The following ST8SIA2 variants were observed in gnomAD, a reference collection of about 807,000 sequenced individuals.
ST8SIA2 encodes ST8 alpha-N-acetyl-neuraminide alpha-2,8-sialyltransferase 2, also known as alpha-2,8-sialyltransferase 8B.
ST8SIA2 carries 22 observed loss-of-function variants against 37.6 expected under a neutral mutation model. That is an observed-to-expected ratio of 0.58 (90% CI 0.42 to 0.83). The LOEUF (loss-of-function observed/expected upper bound fraction) is 0.83, where lower values mean the gene tolerates loss of function less well. Ranked by LOEUF, ST8SIA2 falls within the 40% of genes least tolerant of loss-of-function variation. The pLI is 0.00. For synonymous variants in ST8SIA2, 205 were observed against 201.2 expected, an observed-to-expected ratio of 1.02 and a Z score of -0.16; for missense variants, 382 against 484.7, an observed-to-expected ratio of 0.79 and a Z score of 1.99.
At chr15:92,436,281 A>G (rs2049757953) in intron 3 of ST8SIA2, among the ~76,000 whole-genome samples, 1 of 152,016 alleles carries the variant, frequency 6.6e-6, no homozygotes, top group African/African-American at 2.4e-5. Flanking sequence ...TCCTCCTGCC[A>G]GTATGAGCTA....
chr15:92,401,307 C>T (rs887978825), intron 1 of ST8SIA2, among the ~76,000 whole-genome samples: 1 of 152,210 alleles, frequency 6.6e-6, no homozygotes, highest in East Asian at 1.9e-4. Context: ...TACCATCTCT[C>T]CAGAGCCAAG....
intron 2 of ST8SIA2, among the ~76,000 whole-genome samples, chr15:92,430,555 CA>C (rs1233095656): frequency 6.6e-6 from 1 of 152,228 alleles, no homozygotes; most frequent in Non-Finnish European, 1.5e-5. Flanking sequence ...GGAGTCAACA[CA>C]GTAATGTTAA....
At chr15:92,422,530 C>A (rs1449871479) in intron 1 of ST8SIA2, 1 of 152,238 alleles carries the variant, frequency 6.6e-6, no homozygotes, top group Non-Finnish European at 1.5e-5. Context: ...ATCAGACAGA[C>A]CCCATGATGG....
intron 1 of ST8SIA2, among the ~76,000 whole-genome samples, chr15:92,410,139 G>A (rs1445297586): frequency 6.6e-6 from 1 of 152,220 alleles, no homozygotes; most frequent in African/African-American, 2.4e-5. Context: ...GTCTTCACTT[G>A]CTCTAGAGCA....
intron 1 of ST8SIA2, among the ~76,000 whole-genome samples, chr15:92,421,914 C>T (rs777799715): frequency 1.5e-3 from 224 of 152,316 alleles, no homozygotes; most frequent in Non-Finnish European, 2.8e-3. Context: ...CCCTCCCCCA[C>T]AAAATTACAT....
intron 1 of ST8SIA2, among the ~76,000 whole-genome samples, chr15:92,409,890 G>A (rs370942681): frequency 1.6e-4 from 24 of 152,362 alleles, no homozygotes; most frequent in African/African-American, 5.3e-4. Flanking sequence ...TACAAGCCCT[G>A]TGCTGAGTGC....
chr15:92,427,841 G>A (rs1435754479), intron 1 of ST8SIA2, among the ~76,000 whole-genome samples: 1 of 152,192 alleles, frequency 6.6e-6, no homozygotes, highest in Admixed American at 6.5e-5. Flanking sequence ...AAAATTACCT[G>A]GGCGTAATGG....
Position 92,393,896 on chromosome 15 carries a change from G to T in ST8SIA2, c.-169G>T. 1 of 246,644 alleles carries T rather than the reference G, an allele frequency of 4.1e-6. No homozygotes were observed. The allele number at this position is 246,644 out of a possible 1,614,324, so 15.3% of individuals were successfully genotyped here. Reference sequence around the variant, plus strand: ...CGCCGCGCCTGAGCAACCCCTGCCTGTCGCTGCCGCTGCCGCTGCCGCTGC... The same window carrying T: ...CGCCGCGCCTGAGCAACCCCTGCCTTTCGCTGCCGCTGCCGCTGCCGCTGC... On this transcript the variant is annotated 5_prime_UTR_variant, in exon 1 of 6. Coordinates refer to ENST00000268164, the MANE Select transcript of ST8SIA2 (RefSeq NM_006011.4).
chr15:92,429,901 A>C (rs1297463539), intron 1 of ST8SIA2, 148 bp from the exon 2 acceptor site: 1 of 834,342 alleles, frequency 1.2e-6, no homozygotes, highest in Non-Finnish European at 2.0e-6. Context: ...GTCTGGGGCC[A>C]GGACTTTGCC....
chr15:92,422,869 T>C (rs2049646800), intron 1 of ST8SIA2: 1 of 152,366 alleles, frequency 6.6e-6, no homozygotes, highest in Non-Finnish European at 1.5e-5. Flanking sequence ...TAATCATCTG[T>C]GCTCAAGACT....
At chr15:92,404,372 C>G (rs1449803512) in intron 1 of ST8SIA2, among the ~76,000 whole-genome samples, 1 of 152,120 alleles carries the variant, frequency 6.6e-6, no homozygotes, top group Non-Finnish European at 1.5e-5. Flanking sequence ...TAATGATACC[C>G]AACTTACAGT....
In ST8SIA2 at chr15:92,434,585, C is replaced by CGGTGGCAGGAACACCCGCTGA. The variant is rs370498776; in HGVS notation, c.290+214_290+234dup. On this transcript the variant is annotated intron_variant, in intron 3 of 5. Coordinates refer to ENST00000268164, the MANE Select transcript of ST8SIA2 (RefSeq NM_006011.4). ...TGTGTATGTGGCGACTGGGGCCAGGCGGTGGCAGGAACACCCGCTGAGGTT... is the reference window on the plus strand; with the variant it reads ...TGTGTATGTGGCGACTGGGGCCAGGCGGTGGCAGGAACACCCGCTGAGGTGGCAGGAACACCCGCTGAGGTT... Among the ~76,000 whole-genome samples the CGGTGGCAGGAACACCCGCTGA allele has an allele frequency of 8.8e-3, 1,335 of 152,278 alleles. 13 individuals are homozygous for CGGTGGCAGGAACACCCGCTGA. Among genetic ancestry groups the CGGTGGCAGGAACACCCGCTGA allele is most frequent in the African/African-American group, 0.029 (1,221 of 41,550 alleles).
intron 4 of ST8SIA2, among the ~76,000 whole-genome samples, chr15:92,440,949 C>G (rs2049797197): frequency 6.6e-6 from 1 of 152,226 alleles, no homozygotes; most frequent in Non-Finnish European, 1.5e-5. Context: ...ACCTCACCCC[C>G]AGGTGGTGAG....
At chr15:92,438,690 G>C in intron 4 of ST8SIA2, 80 bp downstream of exon 4, 3 of 1,475,044 alleles carry the variant, frequency 2.0e-6, no homozygotes, top group Non-Finnish European at 2.7e-6. Flanking sequence ...GCTGTCCCAA[G>C]AGATTGAAAC....
intron 4 of ST8SIA2, among the ~76,000 whole-genome samples, chr15:92,444,414 G>A (rs2049825304): frequency 6.6e-6 from 1 of 152,190 alleles, no homozygotes; most frequent in Non-Finnish European, 1.5e-5. Flanking sequence ...CATCCACAGG[G>A]TCTAGCAAAG....
intron 1 of ST8SIA2, among the ~76,000 whole-genome samples, chr15:92,399,484 G>A (rs1286746272): frequency 2.0e-5 from 3 of 152,228 alleles, no homozygotes; most frequent in Non-Finnish European, 2.9e-5. Flanking sequence ...AGCCAAGAGT[G>A]AGGTGAGGTG....
Position 92,438,529 on chromosome 15 carries a change from C to T in ST8SIA2, c.467C>T (p.Thr156Ile). The T allele has an allele frequency of 6.2e-7, 1 of 1,614,192 alleles. No individual in the cohort carries two copies. The highest frequency in any genetic ancestry group is 8.5e-7 in the Non-Finnish European group (1 of 1,180,026). The change falls in exon 4 of 6, where the codon ACT becomes ATT. Residue 156 changes from threonine (T) to isoleucine (I), a missense_variant. Physicochemically the swap from Thr to Ile is moderately conservative, Grantham distance 89. Coordinates refer to ENST00000268164, the MANE Select transcript of ST8SIA2 (RefSeq NM_006011.4). ...CCACTGAAGAATAAGCACTTTGGGA[C>T]TTGTGCCATCGTGGGCAACTCGGGG... The part of the protein sequence containing the change: ...TSPLKNKHFG[T>I]CAIVGNSGVL...
intron 1 of ST8SIA2, 111 bp downstream of exon 1, chr15:92,394,273 C>A: frequency 4.1e-6 from 4 of 982,306 alleles, no homozygotes; most frequent in Non-Finnish European, 6.3e-6. Context: ...GCTGTAGCTC[C>A]GCTGGAGAGA....
At chr15:92,397,090 G>T (rs577406199) in intron 1 of ST8SIA2, among the ~76,000 whole-genome samples, 1 of 152,326 alleles carries the variant, frequency 6.6e-6, no homozygotes, top group African/African-American at 2.4e-5. Context: ...GCTGTTTCTG[G>T]AAAGTAATGA....
Sources: allele counts gnomAD v4.1 joint callset (sites outside exome capture counted in the v4.1 genomes callset), GRCh38; gene constraint gnomAD v4.1.1; transcripts MANE v1.5; gene names NCBI Gene and HGNC (gene_info 2026-07-23, HGNC 2026-07-21).